LCK: variants seen among roughly 807,000 people sequenced by gnomAD.
LCK encodes the protein LCK proto-oncogene, Src family tyrosine kinase, also known as tyrosine-protein kinase Lck.
In LCK, 14 loss-of-function variants were observed where a neutral mutation model predicts 64.6. The ratio of observed to expected loss-of-function variants is 0.22; its 90% CI spans 0.14 to 0.34. The LOEUF (loss-of-function observed/expected upper bound fraction) is 0.34, where lower values mean the gene tolerates loss of function less well. Ranked by LOEUF, LCK falls within the 10% of genes least tolerant of loss-of-function variation. LCK has a pLI of 1.00. For synonymous variants in LCK, 277 were observed against 263.6 expected (o/e 1.05, Z -0.49); for missense variants, 434 against 668.1 (o/e 0.65, Z 3.86).
At position 32,276,253 on chromosome 1, in the gene LCK, A is replaced by G. The variant is rs1640265522; in HGVS notation, c.632-84A>G. ...CCCCTTGCTAGTCCACTTCACCTAGATGGGGGCTTGGAGAAGTGGGGGAGG... is the reference window on the plus strand; with the variant it reads ...CCCCTTGCTAGTCCACTTCACCTAGGTGGGGGCTTGGAGAAGTGGGGGAGG... On this transcript the variant is annotated intron_variant, in intron 7 of 12. Coordinates refer to ENST00000336890, the MANE Select transcript of LCK (RefSeq NM_005356.5). This position sits in a 1 kb window ranked among gnomAD's most constrained non-coding sequence, Gnocchi z 4.6. 1.3e-6 allele frequency: 2 copies of G among 1,500,660 alleles called. No individual in the cohort carries two copies. The highest frequency in any genetic ancestry group is 8.9e-7 in the Non-Finnish European group (1 of 1,125,746). The allele number at this position is 1,500,660 out of a possible 1,614,324, so 93.0% of individuals were successfully genotyped here.
rs780917159 is a variant in LCK at position 32,276,618 on chromosome 1, G to C, written c.796G>C (p.Gly266Arg). 3 of 1,611,490 alleles carry C rather than the reference G, an allele frequency of 1.9e-6. No homozygotes were observed. The highest frequency in any genetic ancestry group is 3.3e-5 in the Admixed American group (2 of 59,752). ...CTTCCCCGACCCAGGGTACTACAACGGGCACACGAAGGTGGCGGTGAAGAG... is the reference window on the plus strand; with the variant it reads ...CTTCCCCGACCCAGGGTACTACAACCGGCACACGAAGGTGGCGGTGAAGAG... ...FGEVWMGYYN[G>R]HTKVAVKSLK... Residue 266 changes from glycine (G) to arginine (R), a missense_variant, in exon 9 of 13, where the codon GGG (glycine) becomes CGG (arginine). By Grantham distance (125) the Gly-to-Arg change is moderately radical. Around this residue, in one of 2 missense-constraint regions of LCK, gnomAD observed 201 missense variants for 376.9 expected, o/e 0.53. Coordinates refer to ENST00000336890, the MANE Select transcript of LCK (RefSeq NM_005356.5). This position sits in a 1 kb window ranked among gnomAD's most constrained non-coding sequence, Gnocchi z 4.6.
At chr1:32,280,314 CT>C in intron 12 of LCK, 104 bp downstream of exon 12, 1 of 1,443,686 alleles carries the variant, frequency 6.9e-7, no homozygotes, top group African/African-American at 1.4e-5. Flanking sequence ...GTAGCTGCAT[CT>C]CCTCTATCTT....
At chr1:32,265,913 C>T (rs1045008314) in intron 1 of LCK, among the ~76,000 whole-genome samples, 4 of 152,096 alleles carry the variant, frequency 2.6e-5, no homozygotes, top group Non-Finnish European at 5.9e-5. Flanking sequence ...GGCAATTCTC[C>T]TGCCTTGGTT....
rs767719938 is a variant in LCK, at chr1:32,274,805, T to C, written c.174T>C (p.Ala58=). The part of the protein sequence containing the change: ...LVTYEGSNPP[A]SPLQDNLVIA... ...CCTACGAAGGCTCCAATCCGCCGGC[T>C]TCCCCACTGCAAGGTGACCCCAGGC... Residue 58 remains alanine (A), a synonymous_variant, in exon 3 of 13, where the codon GCT becomes GCC. Coordinates refer to ENST00000336890, the MANE Select transcript of LCK (RefSeq NM_005356.5). 6.2e-7 allele frequency: 1 copy of C among 1,613,812 alleles called. No homozygotes were observed. Among genetic ancestry groups the C allele is most frequent in the East Asian group, 2.2e-5 (1 of 44,872 alleles).
chr1:32,283,976 G>A (rs921264616), intron 12 of LCK, among the ~76,000 whole-genome samples: 11 of 151,636 alleles, frequency 7.3e-5, no homozygotes, highest in Non-Finnish European at 1.0e-4. Flanking sequence ...TACCTCCTGG[G>A]TTTAAGCGAT....
At chr1:32,272,959 GT>G (rs1640147545) in intron 1 of LCK, among the ~76,000 whole-genome samples, 2 of 146,950 alleles carry the variant, frequency 1.4e-5, no homozygotes, top group African/African-American at 5.1e-5. Context: ...GAATGTGTGT[GT>G]GTGGGGTGAG....
intron 1 of LCK, among the ~76,000 whole-genome samples, chr1:32,262,266 C>T (rs866839651): frequency 1.4e-5 from 2 of 141,268 alleles, no homozygotes; most frequent in South Asian, 4.9e-4. Flanking sequence ...TTTGGGAAGC[C>T]GAGGCAGGTG....
At chr1:32,284,180 G>C (rs1195100822) in intron 12 of LCK, among the ~76,000 whole-genome samples, 1 of 150,842 alleles carries the variant, frequency 6.6e-6, no homozygotes, top group South Asian at 2.1e-4. Context: ...ACCGCAGATG[G>C]CCTCAGGTGC....
chr1:32,272,111 C>T (rs1640093027), intron 1 of LCK, among the ~76,000 whole-genome samples: 2 of 150,298 alleles, frequency 1.3e-5, no homozygotes, highest in African/African-American at 4.9e-5. Context: ...TGGTGAAACC[C>T]TGTCTCTACT....
At chr1:32,254,374 G>A (rs1392087606) in intron 1 of LCK, among the ~76,000 whole-genome samples, 1 of 152,106 alleles carries the variant, frequency 6.6e-6, no homozygotes, top group Non-Finnish European at 1.5e-5. Flanking sequence ...CAAAAAATTA[G>A]CCAGGCATGG....
chr1:32,273,932 G>A (rs1212224552), intron 1 of LCK, among the ~76,000 whole-genome samples: 1 of 152,132 alleles, frequency 6.6e-6, no homozygotes, highest in East Asian at 1.9e-4. Context: ...GATAAGTCAG[G>A]TCTCTCCCAG....
At chr1:32,280,443 C>CTTTTTTTTTTTTTTTTTTTTT (rs770430504) in intron 12 of LCK, among the ~76,000 whole-genome samples, 10 of 84,756 alleles carry the variant, frequency 1.2e-4, no homozygotes, top group East Asian at 3.4e-4. Flanking sequence ...TTTTCTTTTT[C>CTTTTTTTTTTTTTTTTTTTTT]TTTTTTTTTT....
Position 32,276,071 on chromosome 1 carries a change from C to T in LCK, c.631+8C>T, listed in dbSNP as rs769182927. 8.7e-6 allele frequency: 14 copies of T among 1,613,634 alleles called. No individual in the cohort carries two copies. Among genetic ancestry groups the T allele is most frequent in the African/African-American group, 1.3e-5 (1 of 74,862 alleles). On this transcript the variant is annotated splice_region_variant and intron_variant, in intron 7 of 12. Transcript: ENST00000336890. The surrounding 1 kb of genome is among the most constrained non-coding windows in gnomAD (Gnocchi z 4.6). ...TGGTCCGCCATTACACCAGTGAGCC[C>T]GACGGGACCCCTCCCCCGTGCCCTA...
chr1:32,260,025 A>T (rs1054278045), intron 1 of LCK, among the ~76,000 whole-genome samples: 47 of 151,532 alleles, frequency 3.1e-4, no homozygotes, highest in African/African-American at 1.1e-3. Flanking sequence ...TTTTTTTTTA[A>T]TTTTATTTTT....
intron 12 of LCK, among the ~76,000 whole-genome samples, chr1:32,284,898 C>T (rs150168382): frequency 6.6e-6 from 1 of 152,282 alleles, no homozygotes; most frequent in Non-Finnish European, 1.5e-5. Context: ...GTGAAAGGAT[C>T]ACTTGAACGG....
intron 1 of LCK, chr1:32,274,086 G>A: frequency 1.3e-6 from 1 of 778,538 alleles, no homozygotes; most frequent in Non-Finnish European, 1.9e-6. Context: ...CAGGTGGGAG[G>A]GTGGGGCTAG....
intron 1 of LCK, among the ~76,000 whole-genome samples, chr1:32,267,864 A>G (rs1228597197): frequency 6.6e-6 from 1 of 151,250 alleles, no homozygotes; most frequent in Non-Finnish European, 1.5e-5. Flanking sequence ...ATTGCACTCC[A>G]GCCTGGGCAA....
rs534620792 is a variant in LCK at position 32,268,674 on chromosome 1, G to A, written c.-5-5651G>A. The stretch of plus-strand genomic sequence containing the variant: ...AATAAATATACAAAATTAGCCGGGC[G>A]TGGTGGCACATGCCTGTAATCCCAG... On this transcript the variant is annotated intron_variant, in intron 1 of 12. Coordinates refer to ENST00000336890, the MANE Select transcript of LCK (RefSeq NM_005356.5). 1.2e-3 allele frequency among the ~76,000 whole-genome samples: 176 copies of A among 151,900 alleles called. 1 individual carries two copies. The highest frequency in any genetic ancestry group is 2.0e-3 in the Non-Finnish European group (138 of 67,962).
At chr1:32,281,680 A>AG (rs942389703) in intron 12 of LCK, among the ~76,000 whole-genome samples, 3 of 151,976 alleles carry the variant, frequency 2.0e-5, no homozygotes, top group African/African-American at 7.2e-5. Context: ...AGACAGGAGT[A>AG]GGGGGGTCAT....
Sources: allele counts gnomAD v4.1 joint callset (sites outside exome capture counted in the v4.1 genomes callset), GRCh38; gene constraint gnomAD v4.1.1; regional missense constraint gnomAD v4.1.1; non-coding constraint Gnocchi (gnomAD v3.1); transcripts MANE v1.5; gene names NCBI Gene and HGNC (gene_info 2026-07-23, HGNC 2026-07-21).